Variants in PTPRD observed in about 807,000 individuals in gnomAD.
PTPRD encodes the protein receptor-type tyrosine-protein phosphatase delta.
PTPRD carries 34 observed loss-of-function variants against 214.5 expected under a neutral mutation model. That is an observed-to-expected ratio of 0.16 (90% CI 0.12 to 0.21). The LOEUF (loss-of-function observed/expected upper bound fraction) is 0.21. Among genes scored for constraint, PTPRD ranks in the 10% least tolerant of loss-of-function variants. The pLI is 1.00. For missense variants in PTPRD, 2,545 were observed against 2,398.7 expected, an observed-to-expected ratio of 1.06 and a Z score of -1.27; for synonymous variants, 1,128 against 845.7, an observed-to-expected ratio of 1.33 and a Z score of -5.79.
chr9:10,485,700 TTGATATTATATCC>T (rs2099128159), intron 2 of PTPRD, among the ~76,000 whole-genome samples: 1 of 152,172 alleles, frequency 6.6e-6, no homozygotes, highest in Non-Finnish European at 1.5e-5. Flanking sequence ...TTTTTGTGTG[TTGATATTATATCC>T]TGAAAATTTA....
At chr9:9,234,506 T>C (rs2099965298) in intron 9 of PTPRD, among the ~76,000 whole-genome samples, 2 of 152,320 alleles carry the variant, frequency 1.3e-5, no homozygotes, top group Non-Finnish European at 2.9e-5. Context: ...TTCTGCTGCA[T>C]GCTTGAATTT....
chr9:10,479,366 G>A (rs1347783311), intron 2 of PTPRD, among the ~76,000 whole-genome samples: 1 of 152,030 alleles, frequency 6.6e-6, no homozygotes, highest in Non-Finnish European at 1.5e-5. Context: ...AAAAACAAAG[G>A]GAGATGCTTG....
At chr9:9,043,720 A>G (rs990505775) in intron 10 of PTPRD, among the ~76,000 whole-genome samples, 18 of 152,118 alleles carry the variant, frequency 1.2e-4, no homozygotes, top group Non-Finnish European at 2.5e-4. Context: ...CCTTGCCAAG[A>G]TGATGAAACC....
chr9:9,951,331 C>A (rs999617935), intron 4 of PTPRD, among the ~76,000 whole-genome samples: 1 of 152,086 alleles, frequency 6.6e-6, no homozygotes, highest in Non-Finnish European at 1.5e-5. Context: ...ATTAAAAGGC[C>A]GACTGTGTTA....
At chr9:8,348,015 G>A (rs912710052) in intron 39 of PTPRD, among the ~76,000 whole-genome samples, 1 of 152,134 alleles carries the variant, frequency 6.6e-6, no homozygotes, top group African/African-American at 2.4e-5. Flanking sequence ...GCTAAATAAA[G>A]AGGGTGGAAA....
At chr9:9,350,767 G>C (rs1182398439) in intron 9 of PTPRD, among the ~76,000 whole-genome samples, 3 of 151,856 alleles carry the variant, frequency 2.0e-5, no homozygotes, top group Middle Eastern at 3.2e-3. Context: ...AAACACTATA[G>C]TACAATATAA....
At chr9:9,289,434 A>G (rs1950482949) in intron 9 of PTPRD, among the ~76,000 whole-genome samples, 1 of 151,900 alleles carries the variant, frequency 6.6e-6, no homozygotes, top group Non-Finnish European at 1.5e-5. Flanking sequence ...CATGATTTTC[A>G]TAATCAAATC....
intron 8 of PTPRD, among the ~76,000 whole-genome samples, chr9:9,443,477 G>C (rs748937965): frequency 2.7e-4 from 41 of 152,286 alleles, no homozygotes; most frequent in Middle Eastern, 3.4e-3. Flanking sequence ...TAATGGTTTA[G>C]GCCAACAGAA....
intron 10 of PTPRD, among the ~76,000 whole-genome samples, chr9:9,071,273 G>A (rs373267406): frequency 6.6e-6 from 1 of 152,086 alleles, no homozygotes; most frequent in African/African-American, 2.4e-5. Flanking sequence ...TTTGGACAAG[G>A]CACACAACTT....
chr9:8,863,511 G>A (rs2098142199), intron 11 of PTPRD, among the ~76,000 whole-genome samples: 1 of 152,164 alleles, frequency 6.6e-6, no homozygotes, highest in African/African-American at 2.4e-5. Flanking sequence ...TATATGACAA[G>A]CTGTCAGCTA....
chr9:9,288,389 C>A (rs1950156324), intron 9 of PTPRD, among the ~76,000 whole-genome samples: 1 of 151,806 alleles, frequency 6.6e-6, no homozygotes, highest in African/African-American at 2.4e-5. Context: ...CTTTGTTAAA[C>A]ATTTTAATAT....
At chr9:9,771,720 A>C (rs2098753275) in intron 5 of PTPRD, among the ~76,000 whole-genome samples, 2 of 152,204 alleles carry the variant, frequency 1.3e-5, no homozygotes, top group South Asian at 2.1e-4. Flanking sequence ...CGTTTCAATG[A>C]CATTCTGTAT....
At chr9:8,469,482 G>C (rs1436145663) in intron 31 of PTPRD, among the ~76,000 whole-genome samples, 1 of 151,948 alleles carries the variant, frequency 6.6e-6, no homozygotes, top group Non-Finnish European at 1.5e-5. Flanking sequence ...CACTTCTGTA[G>C]TTCAGCTGAG....
At chr9:8,720,635 T>C (rs1021132020) in intron 12 of PTPRD, among the ~76,000 whole-genome samples, 1 of 152,134 alleles carries the variant, frequency 6.6e-6, no homozygotes, top group African/African-American at 2.4e-5. Flanking sequence ...ATGGAAATCA[T>C]TTTATAGTGA....
intron 7 of PTPRD, among the ~76,000 whole-genome samples, chr9:9,654,126 T>C (rs2096449627): frequency 6.6e-6 from 1 of 152,136 alleles, no homozygotes; most frequent in South Asian, 2.1e-4. Context: ...AGTACACTTT[T>C]ATCCAACCCA....
chr9:9,547,828 G>T lies in PTPRD; in HGVS notation c.-237+26904C>A, dbSNP rs1158708232. Among the ~76,000 whole-genome samples, 14 of 90,126 alleles carry T rather than the reference G, an allele frequency of 1.6e-4. No individual in the cohort carries two copies. In the East Asian group the frequency reaches 3.5e-3, roughly 23 times the overall value. 59.1% of individuals were successfully genotyped at this position (90,126 alleles called of 152,430 possible). On this transcript the variant is annotated intron_variant, in intron 8 of 45. Transcript: ENST00000381196. Reference sequence around the variant, plus strand: ...CACACACACACACACACACACATCAGGAAAAAGTCCAAGGCATATAATAAG... The same window carrying T: ...CACACACACACACACACACACATCATGAAAAAGTCCAAGGCATATAATAAG...
chr9:8,803,241 G>C (rs942686139), intron 11 of PTPRD, among the ~76,000 whole-genome samples: 2 of 151,992 alleles, frequency 1.3e-5, no homozygotes, highest in Admixed American at 6.5e-5. Flanking sequence ...GTGAAAAAAA[G>C]TCCCCTTCTC....
At chr9:9,705,692 G>A (rs2097586255) in intron 7 of PTPRD, among the ~76,000 whole-genome samples, 1 of 151,940 alleles carries the variant, frequency 6.6e-6, no homozygotes, top group South Asian at 2.1e-4. Flanking sequence ...AGTATCAAAA[G>A]TTAATTTAAC....
At chr9:9,709,960 T>A (rs1331959411) in intron 7 of PTPRD, among the ~76,000 whole-genome samples, 1 of 152,084 alleles carries the variant, frequency 6.6e-6, no homozygotes, top group Non-Finnish European at 1.5e-5. Flanking sequence ...TACAAAATTA[T>A]CTTCTAGTCT....
Sources: gnomAD v4.1 joint callset for allele counts (sites outside exome capture counted in the v4.1 genomes callset) on GRCh38, gnomAD v4.1.1 for gene constraint, MANE v1.5 for transcripts, NCBI Gene and HGNC (gene_info 2026-07-23, HGNC 2026-07-21) for gene names.